TBC1D5: variants seen among roughly 807,000 people sequenced by gnomAD.
TBC1D5 encodes TBC1 domain family, member 5.
TBC1D5 carries 75 observed loss-of-function variants against 100.3 expected under a neutral mutation model. That is an observed-to-expected ratio of 0.75 (90% CI 0.62 to 0.91). TBC1D5 has a LOEUF of 0.91. TBC1D5 is among the 40% of genes least tolerant of loss of function. The pLI is 0.00. For synonymous variants in TBC1D5, 323 were observed against 325.6 expected (o/e 0.99, Z 0.09); for missense variants, 910 against 942.4 (o/e 0.97, Z 0.45).
intron 15 of TBC1D5, among the ~76,000 whole-genome samples, chr3:17,265,637 T>C (rs1404105027): frequency 6.6e-6 from 1 of 152,166 alleles, no homozygotes; most frequent in Non-Finnish European, 1.5e-5. Flanking sequence ...TACAGGGTTA[T>C]GCAAACATAT....
chr3:17,187,225 C>A (rs2069244674), intron 18 of TBC1D5, among the ~76,000 whole-genome samples: 2 of 152,184 alleles, frequency 1.3e-5, no homozygotes, highest in Admixed American at 1.3e-4. Flanking sequence ...TCCCCCTGTC[C>A]TTGAATCTGG....
chr3:17,189,317 GATTA>G (rs2069564921), intron 18 of TBC1D5, among the ~76,000 whole-genome samples: 1 of 152,182 alleles, frequency 6.6e-6, no homozygotes, highest in Non-Finnish European at 1.5e-5. Context: ...AGCCCAGAAA[GATTA>G]ATTAAAGCTT....
chr3:17,700,171 A>T (rs2072932237), intron 1 of TBC1D5, among the ~76,000 whole-genome samples: 1 of 150,658 alleles, frequency 6.6e-6, no homozygotes, highest in Non-Finnish European at 1.5e-5. Flanking sequence ...AAAAAAAAAT[A>T]CCACACAACT....
intron 17 of TBC1D5, among the ~76,000 whole-genome samples, chr3:17,222,986 C>A (rs549345690): frequency 7.9e-5 from 12 of 152,040 alleles, no homozygotes; most frequent in Middle Eastern, 3.4e-3. Flanking sequence ...AAAAAACCAT[C>A]GTAAGCAGTT....
Position 17,253,444 on chromosome 3 carries a change from C to A in TBC1D5, c.1331+5062G>T, listed in dbSNP as rs189529562. ...GTAAAACAGTAACATTGTCTCCTAT[C>A]TAGTCCAGAGCAAATACATCTTTTT... On this transcript the variant is annotated intron_variant, in intron 16 of 21. Transcript: ENST00000253692. Among the ~76,000 whole-genome samples, 229 of 152,290 alleles carry A rather than the reference C, an allele frequency of 1.5e-3. 2 individuals are homozygous for A. Among genetic ancestry groups the A allele is most frequent in the African/African-American group, 5.1e-3 (211 of 41,550 alleles).
intron 16 of TBC1D5, 64 bp downstream of exon 16, chr3:17,258,442 T>C: frequency 1.3e-6 from 2 of 1,494,702 alleles, no homozygotes; most frequent in Non-Finnish European, 9.2e-7. Context: ...ATATGTAAAA[T>C]TTCCTGATGA....
At chr3:17,561,651 G>A (rs1047340010) in intron 2 of TBC1D5, among the ~76,000 whole-genome samples, 2 of 152,054 alleles carry the variant, frequency 1.3e-5, no homozygotes, top group South Asian at 2.1e-4. Flanking sequence ...GGAGGGTGAG[G>A]AGTATTATGT....
intron 3 of TBC1D5, among the ~76,000 whole-genome samples, chr3:17,494,473 C>T (rs955258237): frequency 1.3e-5 from 2 of 152,200 alleles, no homozygotes; most frequent in Admixed American, 6.5e-5. Flanking sequence ...GAATCCTCCT[C>T]GTCTGGACTG....
chr3:17,722,210 A>T (rs1243390995), intron 1 of TBC1D5, among the ~76,000 whole-genome samples: 1 of 152,008 alleles, frequency 6.6e-6, no homozygotes, highest in Non-Finnish European at 1.5e-5. Context: ...TACAATTTCA[A>T]CCTCCTTGCC....
At chr3:17,717,483 T>TA (rs1044680266) in intron 1 of TBC1D5, among the ~76,000 whole-genome samples, 3 of 152,132 alleles carry the variant, frequency 2.0e-5, no homozygotes, top group African/African-American at 7.2e-5. Flanking sequence ...ACACATTTCT[T>TA]ACCAAAACAA....
At chr3:17,709,952 T>C (rs1286394056) in intron 1 of TBC1D5, among the ~76,000 whole-genome samples, 1 of 152,142 alleles carries the variant, frequency 6.6e-6, no homozygotes, top group East Asian at 1.9e-4. Context: ...GTAGGAAAAG[T>C]ATCTGTCCTC....
intron 13 of TBC1D5, among the ~76,000 whole-genome samples, chr3:17,360,952 A>C (rs1575520691): frequency 6.6e-6 from 1 of 152,128 alleles, no homozygotes; most frequent in East Asian, 1.9e-4. Context: ...AATTGAAAGA[A>C]ATTTCAAACT....
At chr3:17,621,926 C>T (rs1487425332) in intron 2 of TBC1D5, among the ~76,000 whole-genome samples, 1 of 152,138 alleles carries the variant, frequency 6.6e-6, no homozygotes, top group Non-Finnish European at 1.5e-5. Flanking sequence ...TATCCCATTG[C>T]TCATGGTTTT....
Position 17,240,547 on chromosome 3 carries a change from T to C in TBC1D5, c.1332-2128A>G, listed in dbSNP as rs1417317445. ...GGCAACAGAGAAGGCACTCAATATA[T>C]GTTTATTGAGAAAAAAGAATGAATG... On this transcript the variant is annotated intron_variant, in intron 16 of 21. Transcript: ENST00000253692. Among the ~76,000 whole-genome samples the C allele has an allele frequency of 3.3e-5, 5 of 152,256 alleles. No individual in the cohort carries two copies. The East Asian group carries it at 9.6e-4, about 29-fold the overall frequency.
At chr3:17,256,968 A>G (rs2077758297) in intron 16 of TBC1D5, among the ~76,000 whole-genome samples, 1 of 152,192 alleles carries the variant, frequency 6.6e-6, no homozygotes, top group African/African-American at 2.4e-5. Flanking sequence ...GCAAGGGCAA[A>G]TAACAGAGAA....
intron 20 of TBC1D5, among the ~76,000 whole-genome samples, chr3:17,167,156 T>G (rs764498356): frequency 5.9e-5 from 9 of 152,272 alleles, no homozygotes; most frequent in Non-Finnish European, 1.3e-4. Context: ...ATAGCCAGGT[T>G]CTCACAGGGT....
At chr3:17,585,391 T>C (rs2096726663) in intron 2 of TBC1D5, among the ~76,000 whole-genome samples, 2 of 152,262 alleles carry the variant, frequency 1.3e-5, no homozygotes, top group East Asian at 1.9e-4. Context: ...TAAAGAAATA[T>C]ACACCTTACT....
chr3:17,574,649 G>C lies in TBC1D5; in HGVS notation c.-36+49200C>G, dbSNP rs1369807241. On this transcript the variant is annotated intron_variant, in intron 2 of 21. Transcript: ENST00000253692. Reference sequence around the variant, plus strand: ...ATCTCCTGATTCTCTTGTTCTTTCGGATTTATTTTCTCATAGTCCAGCCAT... The same window carrying C: ...ATCTCCTGATTCTCTTGTTCTTTCGCATTTATTTTCTCATAGTCCAGCCAT... 2.6e-5 allele frequency among the ~76,000 whole-genome samples: 4 copies of C among 152,108 alleles called. No homozygotes were observed. In the East Asian group the frequency reaches 5.8e-4, roughly 22 times the overall value.
chr3:17,269,029 C>A (rs60471933), intron 15 of TBC1D5, among the ~76,000 whole-genome samples: 8,023 of 152,190 alleles, frequency 0.053, 438 homozygotes, highest in African/African-American at 0.14. Flanking sequence ...GCCTGGAAAG[C>A]CCCTGCCATG....
Sources: allele counts gnomAD v4.1 joint callset (sites outside exome capture counted in the v4.1 genomes callset), GRCh38; gene constraint gnomAD v4.1.1; transcripts MANE v1.5; gene names NCBI Gene and HGNC (gene_info 2026-07-23, HGNC 2026-07-21).